Variants in STRC observed in about 807,000 individuals in gnomAD.
The protein encoded by STRC is stereocilin.
In STRC, 43 loss-of-function variants were observed where a neutral mutation model predicts 103.5. That is an observed-to-expected ratio of 0.42 (90% CI 0.33 to 0.54). The LOEUF (loss-of-function observed/expected upper bound fraction) is 0.54. STRC is among the 20% of genes least tolerant of loss of function. The probability of loss-of-function intolerance (pLI) is 0.14; values close to 1 mark genes in which losing one functional copy is unlikely to be tolerated. For synonymous variants in STRC, 186 were observed against 442.3 expected (o/e 0.42, Z 7.27); for missense variants, 499 against 1,088.5 (o/e 0.46, Z 7.62).
At chr15:43,604,474 G>T in intron 20 of STRC, 23 bp from the exon 21 acceptor site, 1 of 1,558,366 alleles carries the variant, frequency 6.4e-7, no homozygotes, top group Non-Finnish European at 8.7e-7. Flanking sequence ...AGAAAATCGG[G>T]GGCTGGGGAG....
chr15:43,603,504 A>G, intron 22 of STRC, 93 bp from the exon 23 acceptor site: 1 of 1,340,370 alleles, frequency 7.5e-7, no homozygotes, highest in South Asian at 1.2e-5. Flanking sequence ...CAACCTTTGG[A>G]GGATAGAGCA....
Position 43,600,967 on chromosome 15 carries a change from C to A in STRC, c.4749G>T (p.Val1583=), listed in dbSNP as rs770417511. 215 of 1,603,274 alleles carry A rather than the reference C, an allele frequency of 1.3e-4. 1 individual carries two copies. The highest frequency in any genetic ancestry group is 3.3e-5 in the Non-Finnish European group (39 of 1,177,146). ...SSFLRQSGRH[V]SHLDFVHLTA... is the part of the protein sequence containing the mutation. ...TCAGATGAACGAAGTCCAGGTGGCT[C>A]ACATGCCGACCACTCTGCCGTAGGA... The change falls in exon 25 of 29, where the codon GTG becomes GTT. Residue 1583 remains valine, a synonymous_variant. Coordinates refer to ENST00000450892, the MANE Select transcript of STRC (RefSeq NM_153700.2).
intron 25 of STRC, 56 bp from the exon 26 acceptor site, chr15:43,600,738 G>T: frequency 6.2e-7 from 1 of 1,612,596 alleles, no homozygotes. Context: ...AAGGGGCTGT[G>T]GTCATGAGAC....
chr15:43,601,225 G>A (rs2085664819), intron 24 of STRC, among the ~76,000 whole-genome samples, 171 bp downstream of exon 24: 1 of 151,898 alleles, frequency 6.6e-6, no homozygotes, highest in Admixed American at 6.6e-5. Context: ...CAGGGCCTCA[G>A]AGTGAATAAA....
At chr15:43,602,931 C>T (rs974675531) in intron 23 of STRC, among the ~76,000 whole-genome samples, 1 of 151,226 alleles carries the variant, frequency 6.6e-6, no homozygotes, top group Non-Finnish European at 1.5e-5. Context: ...AGGCGTGAGC[C>T]GCTGCACCCA....
At chr15:43,603,191 C>G (rs1166356528) in intron 23 of STRC, 51 bp downstream of exon 23, 1 of 1,591,970 alleles carries the variant, frequency 6.3e-7, no homozygotes, top group South Asian at 1.1e-5. Flanking sequence ...TCCTACATCA[C>G]ACCCAAATAG....
chr15:43,600,936 G>T lies in STRC; in HGVS notation c.4780C>A (p.Leu1594Met). 1 of 1,598,926 alleles carries T rather than the reference G, an allele frequency of 6.3e-7. No individual in the cohort carries two copies. The highest frequency in any genetic ancestry group is 8.5e-7 in the Non-Finnish European group (1 of 1,172,336). ...SHLDFVHLTA[L>M]GYTLCGLRPE... The stretch of plus-strand genomic sequence containing the variant: ...CGCAGTCCACAGAGAGTATAACCCA[G>T]CGCTGTCAGATGAACGAAGTCCAGG... Residue 1594 changes from leucine (L) to methionine (M), a missense_variant, in exon 25 of 29, where the codon CTG (leucine) becomes ATG (methionine). Leu to Met is a conservative substitution (Grantham distance 15, BLOSUM62 2). Coordinates refer to ENST00000450892, the MANE Select transcript of STRC (RefSeq NM_153700.2).
Position 43,604,399 on chromosome 15 carries a change from A to G in STRC, c.4180T>C (p.Phe1394Leu), listed in dbSNP as rs2085697123. Residue 1394 changes from phenylalanine to leucine, a missense_variant, in exon 21 of 29, where the codon TTC becomes CTC. Phe to Leu is a conservative substitution (Grantham distance 22). Coordinates refer to ENST00000450892, the MANE Select transcript of STRC (RefSeq NM_153700.2). ...DEVEQAGRLV[F>L]TLSTEAISLI... is the part of the protein sequence containing the mutation. ...GAAATTGCCTCAGTAGACAGAGTGAATACTAGGCGTCCAGCTTGCTCTACT... is the reference window on the plus strand; with the variant it reads ...GAAATTGCCTCAGTAGACAGAGTGAGTACTAGGCGTCCAGCTTGCTCTACT... The G allele has an allele frequency of 6.3e-7, 1 of 1,586,842 alleles. No individual in the cohort carries two copies.
intron 20 of STRC, 58 bp downstream of exon 20, chr15:43,604,592 G>T (rs1382007261): frequency 6.2e-7 from 1 of 1,612,652 alleles, no homozygotes; most frequent in Non-Finnish European, 8.5e-7. Context: ...ACTGATGATG[G>T]TGGCTGAGGG....
chr15:43,605,468 C>T (rs2085705663), intron 18 of STRC, 69 bp from the exon 19 acceptor site: 2 of 1,554,004 alleles, frequency 1.3e-6, no homozygotes, highest in African/African-American at 1.4e-5. Flanking sequence ...GACCACAAAA[C>T]CCCACAGTCC....
chr15:43,604,609 T>C (rs1319720900), intron 20 of STRC, 41 bp downstream of exon 20: 6 of 1,613,068 alleles, frequency 3.7e-6, no homozygotes, highest in South Asian at 1.1e-5. Flanking sequence ...AGGGACTGGG[T>C]ATAGAATGAG....
rs2085653306 is a variant in STRC, at chr15:43,600,098, T to G, written c.5101A>C (p.Ser1701Arg). 1.9e-6 allele frequency: 3 copies of G among 1,612,966 alleles called. No individual in the cohort carries two copies. The highest frequency in any genetic ancestry group is 4.5e-5 in the East Asian group (2 of 44,842). ...IPPPKFAVVF[S>R]PIQLSSLTSA... Reference sequence around the variant, plus strand: ...GTGAGACTAGATAGTTGGATGGGACTAAACACCACCTGAGGGCAGGGGTAG... The same window carrying G: ...GTGAGACTAGATAGTTGGATGGGACGAAACACCACCTGAGGGCAGGGGTAG... The change falls in exon 28 of 29, where the codon AGT becomes CGT. Residue 1701 changes from serine (S) to arginine (R), a missense_variant. Transcript: ENST00000450892.
chr15:43,604,621 T>A, intron 20 of STRC, 29 bp downstream of exon 20: 1 of 1,613,378 alleles, frequency 6.2e-7, no homozygotes, highest in Non-Finnish European at 8.5e-7. Context: ...TAGAATGAGT[T>A]AGAATCTGAA....
rs377205395 is a variant in STRC, at chr15:43,609,353, C to T, written c.3499-19G>A. 292 of 1,603,008 alleles carry T rather than the reference C, an allele frequency of 1.8e-4. 23 individuals are homozygous for T. Among genetic ancestry groups the T allele is most frequent in the East Asian group, 1.5e-3 (64 of 44,110 alleles). On this transcript the variant is annotated intron_variant, in intron 15 of 28. Transcript: ENST00000450892. ...ACTGTGCCTACAAGAGAAAGAAAGA[C>T]GAGCCCCTTCCCAGAAGAGACACTG...
chr15:43,603,241 CCTGTTT>C lies in STRC; in HGVS notation c.4540_4545del (p.Lys1514_Gln1515del). On this transcript the variant is annotated inframe_deletion and splice_region_variant, in exon 23 of 29. Transcript: ENST00000450892. The stretch of plus-strand genomic sequence containing the variant: ...ACCCCAGTTGGCTCTCCATCCCTAA[CCTGTTT>C]TGCTTTGCCCATGGCTGCCCGCAGT... 6.2e-7 allele frequency: 1 copy of C among 1,613,490 alleles called. No homozygotes were observed. Among genetic ancestry groups the C allele is most frequent in the Non-Finnish European group, 8.5e-7 (1 of 1,179,718 alleles).
chr15:43,605,348 C>T lies in STRC; in HGVS notation c.3846G>A (p.Glu1282=), dbSNP rs1312394655. The change falls in exon 19 of 29, where the codon GAG becomes GAA. Residue 1282 remains glutamate, a synonymous_variant. Transcript: ENST00000450892. ...GCTGCTCTGGAGCTCTTTGCACCAGCTCCACCACCAACATAATGGATTCAT... is the reference window on the plus strand; with the variant it reads ...GCTGCTCTGGAGCTCTTTGCACCAGTTCCACCACCAACATAATGGATTCAT... ...LSNESIMLVV[E]LVQRAPEQLL... The T allele has an allele frequency of 2.5e-6, 4 of 1,594,750 alleles. No homozygotes were observed. Among genetic ancestry groups the T allele is most frequent in the Non-Finnish European group, 3.4e-6 (4 of 1,169,302 alleles).
chr15:43,603,241 C>T lies in STRC; in HGVS notation c.4545+1G>A. ...ACCCCAGTTGGCTCTCCATCCCTAA[C>T]CTGTTTTGCTTTGCCCATGGCTGCC... On this transcript the variant is annotated splice_donor_variant, in intron 23 of 28. Coordinates refer to ENST00000450892, the MANE Select transcript of STRC (RefSeq NM_153700.2). LOFTEE classifies it high-confidence loss of function. 6.2e-7 allele frequency: 1 copy of T among 1,613,490 alleles called. No individual in the cohort carries two copies. The highest frequency in any genetic ancestry group is 8.5e-7 in the Non-Finnish European group (1 of 1,179,718).
chr15:43,602,530 T>A (rs186071083), intron 23 of STRC: 2 of 152,174 alleles, frequency 1.3e-5, no homozygotes, highest in East Asian at 3.9e-4. Context: ...AATCTGGCAC[T>A]GGCACTGTTC....
chr15:43,608,724 GAAA>G (rs144553505), intron 16 of STRC, among the ~76,000 whole-genome samples: 9 of 71,764 alleles, frequency 1.3e-4, no homozygotes, highest in Non-Finnish European at 1.7e-4. Context: ...AGACTGTCTC[GAAA>G]AAAAAAAAAA....
Sources: allele counts gnomAD v4.1 joint callset (sites outside exome capture counted in the v4.1 genomes callset), GRCh38; gene constraint gnomAD v4.1.1; transcripts MANE v1.5; gene names NCBI Gene and HGNC (gene_info 2026-07-23, HGNC 2026-07-21).